The following NTRK3 variants were observed in gnomAD, a reference collection of about 807,000 sequenced individuals.
NTRK3 encodes the protein NT-3 growth factor receptor.
A neutral mutation model predicts 91.7 loss-of-function variants in NTRK3; 24 were observed. The observed-to-expected ratio is 0.26, with a 90% CI of 0.19 to 0.37. The LOEUF (loss-of-function observed/expected upper bound fraction) is 0.37. Ranked by LOEUF, NTRK3 falls within the 10% of genes least tolerant of loss-of-function variation. The pLI, the probability that NTRK3 is intolerant of heterozygous loss-of-function variation, is 1.00. For synonymous variants in NTRK3, 483 were observed against 404.0 expected, an observed-to-expected ratio of 1.20 and a Z score of -2.34; for missense variants, 880 against 1,068.9, an observed-to-expected ratio of 0.82 and a Z score of 2.46.
At chr15:87,864,553 G>A (rs553022286) in exon 19 of NTRK3, 1 of 228,956 alleles carries the variant, frequency 4.4e-6, no homozygotes, top group Non-Finnish European at 8.6e-6. Context: ...TTCAAGGAAG[G>A]CTTTAACAGT....
At chr15:87,960,842 T>C (rs1339124730) in intron 14 of NTRK3, among the ~76,000 whole-genome samples, 1 of 152,166 alleles carries the variant, frequency 6.6e-6, no homozygotes, top group African/African-American at 2.4e-5. Context: ...ATTACTCCTT[T>C]GTCTGCCTTC....
In NTRK3 at chr15:88,237,745, G is replaced by T. The variant is rs541783221; in HGVS notation, c.248+18161C>A. Reference sequence around the variant, plus strand: ...GACTAAGCAGACACTTTGGGCATTCGCAACAAGACACACCAAAATAAAATG... The same window carrying T: ...GACTAAGCAGACACTTTGGGCATTCTCAACAAGACACACCAAAATAAAATG... On this transcript the variant is annotated intron_variant, in intron 3 of 18. Coordinates refer to ENST00000394480, the Ensembl canonical transcript of NTRK3. This position sits in a 1 kb window ranked among gnomAD's most constrained non-coding sequence, Gnocchi z 4.0. Among the ~76,000 whole-genome samples, 2 of 151,544 alleles carry T rather than the reference G, an allele frequency of 1.3e-5. No individual in the cohort carries two copies. Among genetic ancestry groups the T allele is most frequent in the Admixed American group, 1.3e-4 (2 of 15,220 alleles).
chr15:87,911,693 T>A (rs1264966869), intron 17 of NTRK3, among the ~76,000 whole-genome samples: 1 of 152,234 alleles, frequency 6.6e-6, no homozygotes, highest in Non-Finnish European at 1.5e-5. Flanking sequence ...TACTGAAACC[T>A]GGCTTTGTGA....
intron 13 of NTRK3, among the ~76,000 whole-genome samples, chr15:88,059,703 A>G (rs992718601): frequency 1.3e-5 from 2 of 152,148 alleles, no homozygotes; most frequent in Non-Finnish European, 2.9e-5. Flanking sequence ...TAAAGAGGAC[A>G]CTAGGTGTTA....
chr15:88,139,923 A>AGGGGGGGGGGGGGGGG (rs371636058), intron 6 of NTRK3, among the ~76,000 whole-genome samples: 1 of 3,400 alleles, frequency 2.9e-4, no homozygotes, highest in African/African-American at 9.4e-4. Context: ...TTGGGGTGGG[A>AGGGGGGGGGGGGGGGG]GGGGGGGAGT....
rs60620542 is a variant in NTRK3, at chr15:88,212,700, TCACACACACACA to T, written c.249-28413_249-28402del. ...CATGGAAGCTGTTTTGGCTGCTGCA[TCACACACACACA>T]CACACACACACACACACACACACAC... On this transcript the variant is annotated intron_variant, in intron 3 of 18. Transcript: ENST00000394480. Among the ~76,000 whole-genome samples, 473 of 146,218 alleles carry T rather than the reference TCACACACACACA, an allele frequency of 3.2e-3. 2 individuals are homozygous for T. Among genetic ancestry groups the T allele is most frequent in the African/African-American group, 0.011 (421 of 38,268 alleles).
At chr15:87,998,041 T>A (rs566080) in intron 14 of NTRK3, among the ~76,000 whole-genome samples, 1 of 152,342 alleles carries the variant, frequency 6.6e-6, no homozygotes, top group East Asian at 1.9e-4. Flanking sequence ...CAATGACATT[T>A]TGGACCAGAT....
chr15:87,889,504 A>T (rs2065740204), intron 17 of NTRK3, among the ~76,000 whole-genome samples: 1 of 146,848 alleles, frequency 6.8e-6, no homozygotes, highest in South Asian at 2.1e-4. Context: ...TCCCGGGTTC[A>T]AGCAATTCTC....
At chr15:88,069,054 G>A (rs553408715) in intron 13 of NTRK3, among the ~76,000 whole-genome samples, 12 of 152,194 alleles carry the variant, frequency 7.9e-5, no homozygotes, top group Non-Finnish European at 1.3e-4. Flanking sequence ...GAAGGTCACC[G>A]GCAAGGAAGG....
intron 15 of NTRK3, among the ~76,000 whole-genome samples, chr15:87,934,218 G>A (rs141786517): frequency 4.1e-4 from 62 of 152,212 alleles, no homozygotes; most frequent in African/African-American, 1.4e-3. Context: ...TGGGCGCCCC[G>A]ATTTCTCCAG....
intron 14 of NTRK3, among the ~76,000 whole-genome samples, chr15:87,972,020 T>C (rs1441073148): frequency 1.3e-5 from 2 of 152,184 alleles, no homozygotes; most frequent in Non-Finnish European, 1.5e-5. Context: ...CAGAACTCTG[T>C]AACAGAGGTA....
chr15:88,014,605 T>C (rs573961464), intron 14 of NTRK3, among the ~76,000 whole-genome samples: 1 of 152,198 alleles, frequency 6.6e-6, no homozygotes, highest in Non-Finnish European at 1.5e-5. Flanking sequence ...GAGGATCATA[T>C]TGCAACTGCA....
intron 13 of NTRK3, among the ~76,000 whole-genome samples, chr15:88,081,633 G>C (rs1047547695): frequency 3.9e-5 from 6 of 152,314 alleles, no homozygotes; most frequent in South Asian, 2.1e-4. Flanking sequence ...AGGGCTGTGT[G>C]GGCAGTGCCC....
chr15:88,161,372 G>A (rs2044440799), intron 5 of NTRK3, among the ~76,000 whole-genome samples: 1 of 152,120 alleles, frequency 6.6e-6, no homozygotes, highest in African/African-American at 2.4e-5. Context: ...TTTACTACCT[G>A]CTAGCATTAG....
chr15:88,135,922 G>T, exon 9 of NTRK3: 1 of 1,614,202 alleles, frequency 6.2e-7, no homozygotes, highest in South Asian at 1.1e-5. Flanking sequence ...GGCAACACTG[G>T]CATTGCTCAT....
At chr15:87,927,936 A>C (rs1357763702) in intron 17 of NTRK3, 2 of 151,562 alleles carry the variant, frequency 1.3e-5, no homozygotes, top group Non-Finnish European at 2.9e-5. Context: ...GTCTATCCAA[A>C]CTCCTCTTTC....
At chr15:87,925,700 T>C (rs1078163) in intron 17 of NTRK3, 24,886 of 186,064 alleles carry the variant, frequency 0.13, 1,851 homozygotes, top group South Asian at 0.23. Flanking sequence ...CACCCAAATG[T>C]GGACTTAGCT....
chr15:88,224,964 C>T lies in NTRK3; in HGVS notation c.248+30942G>A, dbSNP rs78692288. 2.3e-3 allele frequency among the ~76,000 whole-genome samples: 344 copies of T among 152,352 alleles called. 6 individuals are homozygous for T. The highest frequency in any genetic ancestry group is 0.021 in the East Asian group (107 of 5,188). ...GCAGTCCCTTGCCTTGCAAAGTGGG[C>T]TATTTTGATCCTGTTTGCCTTTTTA... On this transcript the variant is annotated intron_variant, in intron 3 of 18. Transcript: ENST00000394480.
exon 19 of NTRK3, chr15:87,872,847 G>C (rs940455131): frequency 1.3e-5 from 3 of 232,516 alleles, no homozygotes; most frequent in African/African-American, 6.6e-5. Flanking sequence ...CCAGAACCTA[G>C]CTTTAAAAAA....
Sources: allele counts gnomAD v4.1 joint callset (sites outside exome capture counted in the v4.1 genomes callset), GRCh38; gene constraint gnomAD v4.1.1; non-coding constraint Gnocchi (gnomAD v3.1); transcripts MANE v1.5; gene names NCBI Gene and HGNC (gene_info 2026-07-23, HGNC 2026-07-21).